HIBADH: variants seen among roughly 807,000 people sequenced by gnomAD.
The protein encoded by HIBADH is 3-hydroxyisobutyrate dehydrogenase.
HIBADH carries 25 observed loss-of-function variants against 36.1 expected under a neutral mutation model. The ratio of observed to expected loss-of-function variants is 0.69; its 90% confidence interval spans 0.50 to 0.97. HIBADH has a LOEUF of 0.97. Ranked by LOEUF, HIBADH falls within the 50% of genes least tolerant of loss-of-function variation. The pLI, the probability that HIBADH is intolerant of heterozygous loss-of-function variation, is 0.00. For synonymous variants in HIBADH, 160 were observed against 149.5 expected (o/e 1.07, Z -0.51); for missense variants, 421 against 418.0 (o/e 1.01, Z -0.06).
chr7:27,530,027 G>A (rs1426484562), intron 7 of HIBADH, among the ~76,000 whole-genome samples: 3 of 152,098 alleles, frequency 2.0e-5, no homozygotes, highest in Non-Finnish European at 2.9e-5. Flanking sequence ...ATTAAGATAC[G>A]TATATTGTTT....
chr7:27,619,852 C>T lies in HIBADH; in HGVS notation c.484+9519G>A, dbSNP rs148880639. Among the ~76,000 whole-genome samples, 1,194 of 152,194 alleles carry T rather than the reference C, an allele frequency of 7.8e-3. 10 individuals carry two copies. Among genetic ancestry groups the T allele is most frequent in the African/African-American group, 0.027 (1,103 of 41,526 alleles). ...GACCAAATATACAAATCATCAGTAT[C>T]TCCAAACCCACAGAGAAAGTGAAAA... On this transcript the variant is annotated intron_variant, in intron 4 of 7. Transcript: ENST00000265395.
chr7:27,549,507 G>C (rs1583564118), intron 4 of HIBADH, among the ~76,000 whole-genome samples: 1 of 152,240 alleles, frequency 6.6e-6, no homozygotes, highest in East Asian at 1.9e-4. Flanking sequence ...TATCCTACAA[G>C]TCTTGGGAAA....
intron 4 of HIBADH, among the ~76,000 whole-genome samples, chr7:27,624,018 G>A (rs1304125899): frequency 6.6e-6 from 1 of 152,110 alleles, no homozygotes. Context: ...GGTTGGTGTC[G>A]AATGCCTGAG....
chr7:27,559,449 T>C (rs1010232975), intron 4 of HIBADH, among the ~76,000 whole-genome samples: 1 of 151,932 alleles, frequency 6.6e-6, no homozygotes, highest in African/African-American at 2.4e-5. Context: ...AAGCAAGATC[T>C]CATCTCTAGA....
At chr7:27,530,353 G>A (rs554709893) in intron 7 of HIBADH, among the ~76,000 whole-genome samples, 8 of 152,060 alleles carry the variant, frequency 5.3e-5, no homozygotes, top group East Asian at 1.9e-4. Context: ...TTACAGACAC[G>A]CACCACCACG....
chr7:27,654,203 A>C (rs988931952), intron 1 of HIBADH, among the ~76,000 whole-genome samples: 8 of 152,182 alleles, frequency 5.3e-5, no homozygotes, highest in Admixed American at 6.5e-5. Context: ...CAAAGAAAAA[A>C]ATAATTTAAA....
chr7:27,633,658 T>C (rs1171205717), intron 2 of HIBADH, among the ~76,000 whole-genome samples: 1 of 151,838 alleles, frequency 6.6e-6, no homozygotes. Flanking sequence ...GCGAGACCTG[T>C]CTCTTAAAAA....
At chr7:27,578,594 G>C (rs1178885502) in intron 4 of HIBADH, among the ~76,000 whole-genome samples, 1 of 152,130 alleles carries the variant, frequency 6.6e-6, no homozygotes, top group East Asian at 1.9e-4. Context: ...CAGGATTACA[G>C]ATGTGAGCCA....
intron 4 of HIBADH, among the ~76,000 whole-genome samples, chr7:27,546,290 G>A (rs1456293671): frequency 6.6e-6 from 1 of 151,880 alleles, no homozygotes; most frequent in African/African-American, 2.4e-5. Context: ...TGTTGTTGTT[G>A]TTGTTTTTGG....
chr7:27,653,916 C>T (rs926955379), intron 1 of HIBADH, among the ~76,000 whole-genome samples: 13 of 152,274 alleles, frequency 8.5e-5, no homozygotes, highest in African/African-American at 2.6e-4. Context: ...CCCAAGGGAA[C>T]GTGTATACTC....
At chr7:27,606,779 GT>G (rs1269535546) in intron 4 of HIBADH, among the ~76,000 whole-genome samples, 12 of 152,282 alleles carry the variant, frequency 7.9e-5, no homozygotes, top group African/African-American at 2.6e-4. Context: ...ATTAACCATA[GT>G]TTTAGGTTGA....
chr7:27,658,406 A>C (rs1277575760), intron 1 of HIBADH, among the ~76,000 whole-genome samples: 1 of 152,226 alleles, frequency 6.6e-6, no homozygotes, highest in Non-Finnish European at 1.5e-5. Flanking sequence ...ACTAGCCAGA[A>C]AACTTGGCAA....
intron 4 of HIBADH, among the ~76,000 whole-genome samples, chr7:27,608,393 A>G (rs1477138024): frequency 3.3e-5 from 5 of 152,232 alleles, no homozygotes; most frequent in Non-Finnish European, 7.3e-5. Context: ...TCACAACTAC[A>G]TCACCCAAGC....
At chr7:27,661,075 AGG>A (rs1243362694) in intron 1 of HIBADH, among the ~76,000 whole-genome samples, 3 of 152,214 alleles carry the variant, frequency 2.0e-5, no homozygotes, top group African/African-American at 7.2e-5. Context: ...CTATTCTTTT[AGG>A]GTTATCTCAA....
intron 4 of HIBADH, among the ~76,000 whole-genome samples, chr7:27,613,304 TTATA>T (rs5883096): frequency 7.0e-6 from 1 of 142,632 alleles, no homozygotes; most frequent in Non-Finnish European, 1.5e-5. Flanking sequence ...ACATTTTGTT[TTATA>T]TATATATATA....
intron 5 of HIBADH, among the ~76,000 whole-genome samples, chr7:27,539,396 A>G (rs1444115491): frequency 1.3e-5 from 2 of 152,136 alleles, no homozygotes; most frequent in Non-Finnish European, 2.9e-5. Context: ...TATATCTAAG[A>G]TAATACCAAG....
chr7:27,552,496 CA>C (rs1364239347), intron 4 of HIBADH, among the ~76,000 whole-genome samples: 1 of 152,150 alleles, frequency 6.6e-6, no homozygotes, highest in Non-Finnish European at 1.5e-5. Flanking sequence ...GCTTGTCTTT[CA>C]GGGGCATGTT....
At chr7:27,608,051 G>C (rs1173050333) in intron 4 of HIBADH, among the ~76,000 whole-genome samples, 1 of 152,146 alleles carries the variant, frequency 6.6e-6, no homozygotes, top group African/African-American at 2.4e-5. Flanking sequence ...TACTAAGTTT[G>C]ATTTTTTAAA....
chr7:27,574,462 AT>A (rs1042768951), intron 4 of HIBADH, among the ~76,000 whole-genome samples: 13 of 152,120 alleles, frequency 8.5e-5, no homozygotes, highest in African/African-American at 3.1e-4. Flanking sequence ...ATTAGAAAAT[AT>A]TTTTTCCAAG....
Sources: allele counts gnomAD v4.1 joint callset (sites outside exome capture counted in the v4.1 genomes callset), GRCh38; gene constraint gnomAD v4.1.1; transcripts MANE v1.5; gene names NCBI Gene and HGNC (gene_info 2026-07-23, HGNC 2026-07-21).